Variants in TRIP4 observed in about 807,000 individuals in gnomAD.
TRIP4 encodes thyroid hormone receptor interactor 4, also known as activating signal cointegrator 1.
TRIP4 carries 54 observed loss-of-function variants against 81.8 expected under a neutral mutation model. The ratio of observed to expected loss-of-function variants is 0.66; its 90% CI spans 0.53 to 0.83. The LOEUF is 0.83. TRIP4 is among the 40% of genes least tolerant of loss of function. TRIP4 has a pLI of 0.00. For synonymous variants in TRIP4, 270 were observed against 242.8 expected (o/e 1.11, Z -1.04); for missense variants, 662 against 683.6 (o/e 0.97, Z 0.35).
chr15:64,411,501 G>A (rs1001159893), intron 7 of TRIP4, among the ~76,000 whole-genome samples: 22 of 151,988 alleles, frequency 1.4e-4, no homozygotes, highest in Non-Finnish European at 2.8e-4. Flanking sequence ...GCTGGGTGCG[G>A]TGGCTCACAC....
rs139993454 is a variant in TRIP4, at chr15:64,422,276, G to C, written c.1359-1755G>C. 3.2e-4 allele frequency among the ~76,000 whole-genome samples: 49 copies of C among 152,316 alleles called. 1 individual carries two copies. In the East Asian group the frequency reaches 8.1e-3, roughly 25 times the overall value. On this transcript the variant is annotated intron_variant, in intron 9 of 12. Coordinates refer to ENST00000261884, the MANE Select transcript of TRIP4 (RefSeq NM_016213.5). ...AAATATGAAGCTAGGTGATGACAGA[G>C]ATGGAACTAGACTTCTGGTTTTCAG...
chr15:64,445,811 C>T (rs747860457), intron 12 of TRIP4, among the ~76,000 whole-genome samples: 10 of 151,988 alleles, frequency 6.6e-5, no homozygotes, highest in South Asian at 2.1e-4. Flanking sequence ...CCACAATTAC[C>T]GGCATAGTAA....
At chr15:64,423,062 A>G (rs753941965) in intron 9 of TRIP4, among the ~76,000 whole-genome samples, 10 of 152,208 alleles carry the variant, frequency 6.6e-5, no homozygotes, top group Non-Finnish European at 1.2e-4. Flanking sequence ...TAATCCTTGG[A>G]AAGTAGCAAT....
At chr15:64,395,600 A>G in intron 3 of TRIP4, 69 bp downstream of exon 3, 1 of 1,513,332 alleles carries the variant, frequency 6.6e-7, no homozygotes, top group Non-Finnish European at 8.9e-7. Context: ...CATTTCAGAG[A>G]GCAAAGTGTA....
chr15:64,435,894 A>AG (rs1189331026), intron 11 of TRIP4, among the ~76,000 whole-genome samples: 2 of 4,028 alleles, frequency 5.0e-4, no homozygotes, highest in African/African-American at 6.3e-4. Context: ...TGGTAGATTG[A>AG]AAAAAAAAAA....
chr15:64,420,250 T>G (rs955088238), intron 9 of TRIP4, among the ~76,000 whole-genome samples: 3 of 151,606 alleles, frequency 2.0e-5, no homozygotes, highest in Admixed American at 2.0e-4. Context: ...GCCTCCTGAG[T>G]AGCTGGGTTC....
intron 11 of TRIP4, among the ~76,000 whole-genome samples, chr15:64,435,170 C>T (rs1566982783): frequency 8.0e-6 from 1 of 125,044 alleles, no homozygotes; most frequent in Admixed American, 1.1e-4. Context: ...GAGCAGATTG[C>T]ATCAGTGCAC....
intron 8 of TRIP4, among the ~76,000 whole-genome samples, chr15:64,416,359 A>G (rs549366793): frequency 6.6e-6 from 1 of 152,338 alleles, no homozygotes; most frequent in East Asian, 1.9e-4. Context: ...AATTAGAGGG[A>G]ACAGCTGTAG....
chr15:64,431,851 T>A (rs867948159), intron 11 of TRIP4, among the ~76,000 whole-genome samples: 22 of 122,712 alleles, frequency 1.8e-4, no homozygotes, highest in African/African-American at 6.7e-4. Context: ...ATATATATTT[T>A]TTTTATCCAA....
intron 12 of TRIP4, among the ~76,000 whole-genome samples, chr15:64,453,995 G>C (rs1365791889): frequency 6.6e-6 from 1 of 152,148 alleles, no homozygotes; most frequent in Admixed American, 6.5e-5. Flanking sequence ...CTGATTTTTA[G>C]TCCAGTGCTC....
At chr15:64,402,704 T>A (rs1891538602) in intron 5 of TRIP4, among the ~76,000 whole-genome samples, 1 of 151,844 alleles carries the variant, frequency 6.6e-6, no homozygotes, top group East Asian at 1.9e-4. Context: ...TTTTGTATTT[T>A]TAGTAGAGAT....
intron 11 of TRIP4, among the ~76,000 whole-genome samples, chr15:64,437,632 AC>A (rs780388576): frequency 4.6e-5 from 7 of 151,782 alleles, no homozygotes; most frequent in Middle Eastern, 3.4e-3. Flanking sequence ...AGCTGGTATT[AC>A]AGGCGCACGC....
intron 11 of TRIP4, among the ~76,000 whole-genome samples, chr15:64,426,155 G>T (rs1389090114): frequency 1.3e-5 from 2 of 152,010 alleles, no homozygotes; most frequent in Non-Finnish European, 2.9e-5. Flanking sequence ...CCAAAACCTT[G>T]CTTCTTTTGA....
intron 12 of TRIP4, among the ~76,000 whole-genome samples, chr15:64,446,744 C>T (rs943593012): frequency 6.6e-6 from 1 of 151,872 alleles, no homozygotes; most frequent in African/African-American, 2.4e-5. Flanking sequence ...GAGACAGGGT[C>T]TAGCTGGGAC....
chr15:64,407,824 C>G (rs1240766226), intron 6 of TRIP4, among the ~76,000 whole-genome samples: 2 of 152,092 alleles, frequency 1.3e-5, no homozygotes, highest in Non-Finnish European at 2.9e-5. Context: ...CCACCAGGCA[C>G]AGTGGCTCAC....
intron 1 of TRIP4, among the ~76,000 whole-genome samples, chr15:64,388,696 T>A (rs901399026): frequency 6.6e-6 from 1 of 152,182 alleles, no homozygotes; most frequent in African/African-American, 2.4e-5. Flanking sequence ...AGAATTTAAG[T>A]GGAAGCAGCG....
Position 64,418,587 on chromosome 15 carries a change from CTT to C in TRIP4, c.1218_1219del (p.Ser407ArgfsTer25). ...GCCTCACAGAAGAAGGCTTTCCGTT[CTT>C]CAGGATTTGGACTAGAGTTCAACTC... is the stretch of plus-strand genomic sequence containing the variant. On this transcript the variant is annotated frameshift_variant, in exon 9 of 13. Transcript: ENST00000261884. LOFTEE classifies it high-confidence loss of function. 1 of 1,613,460 alleles carries C rather than the reference CTT, an allele frequency of 6.2e-7. No homozygotes were observed. Among genetic ancestry groups the C allele is most frequent in the Non-Finnish European group, 8.5e-7 (1 of 1,180,012 alleles).
At chr15:64,424,238 T>C (rs1438825617) in intron 10 of TRIP4, 83 bp downstream of exon 10, 5 of 1,578,340 alleles carry the variant, frequency 3.2e-6, no homozygotes, top group East Asian at 4.5e-5. Flanking sequence ...CCTTCTTTCT[T>C]TGGCTTTTTC....
chr15:64,416,658 G>A (rs1056322039), intron 8 of TRIP4, among the ~76,000 whole-genome samples: 18 of 152,080 alleles, frequency 1.2e-4, no homozygotes, highest in Admixed American at 4.6e-4. Flanking sequence ...TATTTAGTAT[G>A]TAGTCAATTC....
Sources: gnomAD v4.1 joint callset for allele counts (sites outside exome capture counted in the v4.1 genomes callset) on GRCh38, gnomAD v4.1.1 for gene constraint, MANE v1.5 for transcripts, NCBI Gene and HGNC (gene_info 2026-07-23, HGNC 2026-07-21) for gene names.